ANKRA2: variants seen among roughly 807,000 people sequenced by gnomAD.
The protein encoded by ANKRA2 is ankyrin repeat family A protein 2.
Under a neutral mutation model 37.8 loss-of-function variants are expected in ANKRA2, and 33 were observed. That is an observed-to-expected ratio of 0.87 (90% confidence interval 0.66 to 1.17). The LOEUF is 1.17. ANKRA2 is among the 50% of genes most tolerant of loss of function. ANKRA2 has a pLI of 0.00. For missense variants in ANKRA2, 326 were observed against 373.7 expected (o/e 0.87, Z 1.05); for synonymous variants, 126 against 132.3 (o/e 0.95, Z 0.33).
chr5:73,552,990 T>C, intron 8 of ANKRA2, 138 bp from the exon 9 acceptor site: 1 of 669,494 alleles, frequency 1.5e-6, no homozygotes, highest in Non-Finnish European at 2.5e-6. Context: ...CTGAGGGCAA[T>C]AATACAATGC....
intron 7 of ANKRA2, 85 bp downstream of exon 7, chr5:73,554,237 T>C: frequency 3.6e-6 from 4 of 1,111,340 alleles, no homozygotes; most frequent in Non-Finnish European, 5.3e-6. Flanking sequence ...AGTTAATGAT[T>C]CTCCTGAGTA....
At chr5:73,557,486 C>G in intron 4 of ANKRA2, 89 bp downstream of exon 4, 6 of 644,788 alleles carry the variant, frequency 9.3e-6, no homozygotes, top group African/African-American at 3.3e-5. Flanking sequence ...TTGTTTTTGT[C>G]TTTAGGACTT....
rs200934847 is a variant in ANKRA2 at position 73,562,706 on chromosome 5, C to T, written c.176G>A (p.Arg59Gln). The change falls in exon 2 of 9, where the codon CGA (arginine) becomes CAA (glutamine). Residue 59 changes from arginine (R) to glutamine (Q), a missense_variant. Transcript: ENST00000296785. ...TCGAGAACACACATTCATATCAAAT[C>T]GGTTAGGCAATATGAATTTCATTCC... is the stretch of plus-strand genomic sequence containing the variant. ...AMGMKFILPN[R>Q]FDMNVCSRFV... is the part of the protein sequence containing the mutation. The T allele has an allele frequency of 3.7e-6, 6 of 1,614,024 alleles. No individual in the cohort carries two copies. The highest frequency in any genetic ancestry group is 4.5e-5 in the East Asian group (2 of 44,880).
chr5:73,564,540 T>C (rs2112028554), intron 1 of ANKRA2, among the ~76,000 whole-genome samples: 1 of 152,364 alleles, frequency 6.6e-6, no homozygotes, highest in Admixed American at 6.5e-5. Context: ...TCTTTTCTAT[T>C]TCTAACATTT....
At chr5:73,561,333 G>C (rs1192388633) in intron 2 of ANKRA2, 45 bp from the exon 3 acceptor site, 6 of 1,544,512 alleles carry the variant, frequency 3.9e-6, no homozygotes, top group South Asian at 3.4e-5. Context: ...ATTTCAGTAA[G>C]AGTTCTATGT....
intron 7 of ANKRA2, 61 bp from the exon 8 acceptor site, chr5:73,553,547 T>C (rs1561267839): frequency 2.9e-6 from 4 of 1,372,204 alleles, no homozygotes; most frequent in Middle Eastern, 1.8e-4. Flanking sequence ...TTGTCTGTTA[T>C]TGGCTCATGT....
chr5:73,555,722 T>C (rs537778430), intron 4 of ANKRA2, 137 bp from the exon 5 acceptor site: 140 of 719,174 alleles, frequency 1.9e-4, no homozygotes, highest in East Asian at 1.6e-4. Context: ...GTTGGTGTCC[T>C]ATTTATTGCA....
At chr5:73,564,095 C>T (rs1747637657) in intron 1 of ANKRA2, among the ~76,000 whole-genome samples, 1 of 117,908 alleles carries the variant, frequency 8.5e-6, no homozygotes, top group Non-Finnish European at 1.8e-5. Context: ...GAATAAATAA[C>T]ACATAGTATA....
At chr5:73,560,352 A>G (rs929198504) in intron 3 of ANKRA2, among the ~76,000 whole-genome samples, 1 of 151,866 alleles carries the variant, frequency 6.6e-6, no homozygotes, top group African/African-American at 2.4e-5. Context: ...AATACAATGC[A>G]TTATTATTTT....
intron 1 of ANKRA2, among the ~76,000 whole-genome samples, chr5:73,564,622 T>C (rs934986691): frequency 1.3e-5 from 2 of 152,230 alleles, no homozygotes; most frequent in Middle Eastern, 3.2e-3. Context: ...AAATAAATAA[T>C]ACAAGTTTTC....
intron 3 of ANKRA2, among the ~76,000 whole-genome samples, chr5:73,560,079 A>T (rs200986373): frequency 6.6e-6 from 1 of 152,160 alleles, no homozygotes; most frequent in African/African-American, 2.4e-5. Context: ...TGAAATATTT[A>T]AAAATGCAAG....
chr5:73,564,040 A>C (rs1747634871), intron 1 of ANKRA2, among the ~76,000 whole-genome samples: 1 of 152,080 alleles, frequency 6.6e-6, no homozygotes. Context: ...CTGACCATTA[A>C]AATGAGGCAG....
chr5:73,562,851 C>G lies in ANKRA2; in HGVS notation c.31G>C (p.Ala11Pro). 5 of 1,611,356 alleles carry G rather than the reference C, an allele frequency of 3.1e-6. No homozygotes were observed. The highest frequency in any genetic ancestry group is 4.2e-6 in the Non-Finnish European group (5 of 1,178,084). Residue 11 changes from alanine to proline, a missense_variant, in exon 2 of 9, where the codon GCC becomes CCC. Transcript: ENST00000296785. MDTSTNLDIG[A>P]QLIVEECPST... The stretch of plus-strand genomic sequence containing the variant: ...GGACACTCTTCCACGATAAGCTGGG[C>G]TCCAATATCCAGATTTGTTGATGTA...
Position 73,554,948 on chromosome 5 carries a change from A to C in ANKRA2, c.651T>G (p.Ser217Arg). The change falls in exon 6 of 9, where the codon AGT becomes AGG. Residue 217 changes from serine (S) to arginine (R), a missense_variant. Ser to Arg is a moderately radical substitution (Grantham distance 110). Around this residue, in one of 3 missense-constraint regions of ANKRA2, gnomAD observed 228 missense variants for 260.2 expected, o/e 0.88. Coordinates refer to ENST00000296785, the MANE Select transcript of ANKRA2 (RefSeq NM_023039.5). The part of the protein sequence containing the change: ...DPQLLGKGRE[S>R]ALSLACSKGY... ...CTTTACTACAGGCCAACGACAGTGC[A>C]CTTTCTCGACCTTTTCCTAAAAGTT... The C allele has an allele frequency of 6.2e-7, 1 of 1,613,884 alleles. No individual in the cohort carries two copies. The highest frequency in any genetic ancestry group is 1.6e-4 in the Middle Eastern group (1 of 6,062).
At chr5:73,563,111 T>A in intron 1 of ANKRA2, 126 bp from the exon 2 acceptor site, 1 of 359,770 alleles carries the variant, frequency 2.8e-6, no homozygotes, top group African/African-American at 2.1e-5. Flanking sequence ...AGAAAGAATA[T>A]AATGTTCAGA....
At chr5:73,562,012 T>C (rs1747569268) in intron 2 of ANKRA2, among the ~76,000 whole-genome samples, 1 of 152,050 alleles carries the variant, frequency 6.6e-6, no homozygotes. Context: ...AACATGATTT[T>C]TTTTCTTATG....
At chr5:73,559,115 A>C (rs1747476764) in intron 3 of ANKRA2, among the ~76,000 whole-genome samples, 1 of 152,186 alleles carries the variant, frequency 6.6e-6, no homozygotes, top group Admixed American at 6.5e-5. Flanking sequence ...TGTCCTATGC[A>C]AATTTATATA....
chr5:73,561,276 A>C lies in ANKRA2; in HGVS notation c.302T>G (p.Ile101Ser), dbSNP rs772215482. The part of the protein sequence containing the change: ...ASVLFKAECN[I>S]HTSPSPGIQV... ...AATTCCCGGAGAAGGAGATGTATGG[A>C]TATTGCATTCAGCTAAGTGAAAAAC... The change falls in exon 3 of 9, where the codon ATC becomes AGC. Residue 101 changes from isoleucine (I) to serine (S), a missense_variant. By Grantham distance (142) the Ile-to-Ser change is moderately radical. Transcript: ENST00000296785. 3 of 1,612,844 alleles carry C rather than the reference A, an allele frequency of 1.9e-6. No individual in the cohort carries two copies. The South Asian group carries it at 3.3e-5, about 18-fold the overall frequency.
rs182134979 is a variant in ANKRA2 at position 73,557,879 on chromosome 5, C to T, written c.449-239G>A. Among the ~76,000 whole-genome samples the T allele has an allele frequency of 4.8e-3, 725 of 152,170 alleles. 6 individuals are homozygous for T. Among genetic ancestry groups the T allele is most frequent in the African/African-American group, 0.016 (679 of 41,524 alleles). Reference sequence around the variant, plus strand: ...ATCACTTGAGGTCAGGAGTTCGAGACCAGCCTGGCCAACGTGGCAAAACCC... The same window carrying T: ...ATCACTTGAGGTCAGGAGTTCGAGATCAGCCTGGCCAACGTGGCAAAACCC... On this transcript the variant is annotated intron_variant, in intron 3 of 8. Transcript: ENST00000296785.
Sources: allele counts gnomAD v4.1 joint callset (sites outside exome capture counted in the v4.1 genomes callset), GRCh38; gene constraint gnomAD v4.1.1; regional missense constraint gnomAD v4.1.1; transcripts MANE v1.5; gene names NCBI Gene and HGNC (gene_info 2026-07-23, HGNC 2026-07-21).